The following SAMD5 variants were observed in gnomAD, a reference collection of about 807,000 sequenced individuals.
The protein encoded by SAMD5 is sterile alpha motif domain containing 5.
SAMD5 carries 13 observed loss-of-function variants against 11.3 expected under a neutral mutation model. That is an observed-to-expected ratio of 1.15 (90% CI 0.75 to 1.83). The LOEUF (loss-of-function observed/expected upper bound fraction) is 1.83, where lower values mean the gene tolerates loss of function less well. SAMD5 is among the 40% of genes most tolerant of loss of function. SAMD5 has a pLI of 0.00. For missense variants in SAMD5, 255 were observed against 239.1 expected (o/e 1.07, Z -0.44); for synonymous variants, 129 against 111.3 (o/e 1.16, Z -1.00).
chr6:147,818,022 T>A, the SAMD5 span, among the ~76,000 whole-genome samples: 3 of 152,226 alleles, frequency 2.0e-5, no homozygotes. Context: ...AAAGGGTAGC[T>A]TACTTTTTTT....
chr6:147,670,204 A>C (rs1790776669), intron 1 of SAMD5, among the ~76,000 whole-genome samples: 1 of 152,222 alleles, frequency 6.6e-6, no homozygotes, highest in East Asian at 1.9e-4. Flanking sequence ...GATCTCAACA[A>C]TGGGCTTAAA....
the SAMD5 span, among the ~76,000 whole-genome samples, chr6:147,802,665 G>C: frequency 6.6e-6 from 1 of 151,278 alleles, no homozygotes; most frequent in Non-Finnish European, 1.5e-5. Context: ...ATGTTCATCA[G>C]AGAATGTATA....
downstream of SAMD5, among the ~76,000 whole-genome samples, chr6:147,573,032 A>G (rs1186424854): frequency 6.6e-6 from 1 of 152,184 alleles, no homozygotes; most frequent in Non-Finnish European, 1.5e-5. Flanking sequence ...GAGAATTACA[A>G]TTGCTTGCCT....
intron 1 of SAMD5, among the ~76,000 whole-genome samples, chr6:147,554,252 G>A (rs1376847194): frequency 6.6e-6 from 1 of 152,142 alleles, no homozygotes; most frequent in African/African-American, 2.4e-5. Context: ...ACCTTCCGCT[G>A]GGTCCCTCCC....
the SAMD5 span, among the ~76,000 whole-genome samples, chr6:147,808,519 T>C: frequency 2.0e-5 from 3 of 152,198 alleles, no homozygotes; most frequent in Admixed American, 6.5e-5. Flanking sequence ...CAGCACTTTC[T>C]GTGGCCTCTA....
chr6:147,513,481 A>G (rs1410961950), intron 1 of SAMD5, among the ~76,000 whole-genome samples: 1 of 152,160 alleles, frequency 6.6e-6, no homozygotes, highest in African/African-American at 2.4e-5. Context: ...TTTGGGCGAG[A>G]AAGATATTGC....
At chr6:147,606,651 A>G (rs545054633) in intron 1 of SAMD5, among the ~76,000 whole-genome samples, 2 of 152,008 alleles carry the variant, frequency 1.3e-5, no homozygotes, top group South Asian at 4.2e-4. Flanking sequence ...GTAATAGTAC[A>G]TACCTTCAAA....
At chr6:147,626,661 A>G (rs1217331979) in intron 1 of SAMD5, among the ~76,000 whole-genome samples, 1 of 152,034 alleles carries the variant, frequency 6.6e-6, no homozygotes, top group East Asian at 1.9e-4. Flanking sequence ...AAAATAAAAA[A>G]TTAAGGCATT....
At chr6:147,555,748 G>A (rs1788845197) in intron 1 of SAMD5, among the ~76,000 whole-genome samples, 1 of 152,134 alleles carries the variant, frequency 6.6e-6, no homozygotes, top group Admixed American at 6.5e-5. Context: ...AGTAAGAAAA[G>A]TTCATTGATA....
At chr6:147,927,210 G>A in the SAMD5 span, among the ~76,000 whole-genome samples, 1 of 152,142 alleles carries the variant, frequency 6.6e-6, no homozygotes, top group African/African-American at 2.4e-5. Context: ...AATGTCATTG[G>A]TAGTTTGATG....
intron 1 of SAMD5, among the ~76,000 whole-genome samples, chr6:147,710,457 T>A (rs1013971088): frequency 6.6e-6 from 1 of 152,180 alleles, no homozygotes; most frequent in Non-Finnish European, 1.5e-5. Flanking sequence ...TCTGGCCCCA[T>A]CTCACCCAAG....
chr6:147,650,115 T>C (rs183228210), intron 1 of SAMD5, among the ~76,000 whole-genome samples: 16 of 152,312 alleles, frequency 1.1e-4, no homozygotes, highest in Middle Eastern at 3.4e-3. Flanking sequence ...ACTTAGACCC[T>C]TTACCATACA....
At chr6:147,590,915 G>A (rs1300281787) in intron 1 of SAMD5, among the ~76,000 whole-genome samples, 1 of 152,142 alleles carries the variant, frequency 6.6e-6, no homozygotes, top group Non-Finnish European at 1.5e-5. Flanking sequence ...AAGGACTTAA[G>A]ATTATTTTGA....
chr6:147,922,334 A>G, the SAMD5 span, among the ~76,000 whole-genome samples: 3 of 152,190 alleles, frequency 2.0e-5, no homozygotes, highest in African/African-American at 7.2e-5. Flanking sequence ...AGGGAACTTA[A>G]TAATTTAAAG....
the SAMD5 span, among the ~76,000 whole-genome samples, chr6:147,799,307 T>G: frequency 6.6e-6 from 1 of 152,158 alleles, no homozygotes; most frequent in African/African-American, 2.4e-5. Context: ...GTAAAGTATT[T>G]TATTTCTCCT....
the SAMD5 span, among the ~76,000 whole-genome samples, chr6:147,791,496 C>T: frequency 3.3e-5 from 5 of 152,056 alleles, no homozygotes; most frequent in East Asian, 9.7e-4. Flanking sequence ...ACTTTTTGGC[C>T]TATTTCTTTA....
intron 1 of SAMD5, among the ~76,000 whole-genome samples, chr6:147,669,619 T>C (rs1346218309): frequency 2.0e-5 from 3 of 151,738 alleles, no homozygotes; most frequent in East Asian, 3.9e-4. Context: ...TTAGTAGAGA[T>C]GGGGTTTCAC....
the SAMD5 span, among the ~76,000 whole-genome samples, chr6:147,924,777 TATAA>T: frequency 0.095 from 13,955 of 147,122 alleles, 681 homozygotes; most frequent in Non-Finnish European, 0.11. Flanking sequence ...TTAATTTTGT[TATAA>T]ATAAATAAAT....
At chr6:147,843,292 T>G in the SAMD5 span, among the ~76,000 whole-genome samples, 1 of 152,146 alleles carries the variant, frequency 6.6e-6, no homozygotes, top group South Asian at 2.1e-4. Flanking sequence ...ACCAAAAAAG[T>G]GAAAGATCTG....
Sources: gnomAD v4.1 joint callset for allele counts (sites outside exome capture counted in the v4.1 genomes callset) on GRCh38, gnomAD v4.1.1 for gene constraint, MANE v1.5 for transcripts, NCBI Gene and HGNC (gene_info 2026-07-23, HGNC 2026-07-21) for gene names.